The following IFT172 variants were observed in gnomAD, a reference collection of about 807,000 sequenced individuals.
IFT172 encodes intraflagellar transport protein 172 homolog.
Under a neutral mutation model 248.9 loss-of-function variants are expected in IFT172, and 164 were observed. The observed-to-expected ratio is 0.66, with a 90% CI of 0.58 to 0.75. The LOEUF is 0.75. IFT172 is among the 30% of genes least tolerant of loss of function. The pLI is 0.00. For missense variants in IFT172, 1,950 were observed against 2,192.4 expected (o/e 0.89, Z 2.21); for synonymous variants, 729 against 791.6 (o/e 0.92, Z 1.33).
At chr2:27,474,067 CAA>C (rs1667792107) in intron 14 of IFT172, among the ~76,000 whole-genome samples, 1 of 152,188 alleles carries the variant, frequency 6.6e-6, no homozygotes, top group Admixed American at 6.5e-5. Flanking sequence ...CTCGGCCTCT[CAA>C]AGTATTGGGA....
chr2:27,459,314 T>TG, intron 25 of IFT172, 64 bp downstream of exon 25: 1 of 1,573,232 alleles, frequency 6.4e-7, no homozygotes, highest in Middle Eastern at 1.8e-4. Context: ...CTTCCTGCTT[T>TG]GGGTTCTCTC....
At chr2:27,459,306 T>A (rs936608815) in intron 25 of IFT172, 72 bp downstream of exon 25, 4 of 1,562,290 alleles carry the variant, frequency 2.6e-6, no homozygotes, top group Non-Finnish European at 3.5e-6. Context: ...TGCCTCCACT[T>A]CCTGCTTTGG....
chr2:27,477,293 G>A lies in IFT172; in HGVS notation c.1249C>T (p.Leu417=). 6.2e-7 allele frequency: 1 copy of A among 1,614,116 alleles called. No individual in the cohort carries two copies. Among genetic ancestry groups the A allele is most frequent in the South Asian group, 1.1e-5 (1 of 91,080 alleles). ...TTATTCCCATATTCCACCAGGGTTA[G>A]CTCTCCGGCATTGAAGATCATGCAT... ...NVCMIFNAGE[L]TLVEYGNNDT... is the part of the protein sequence containing the mutation. Residue 417 remains leucine (L), a synonymous_variant, in exon 13 of 48, where the codon CTA becomes TTA. Transcript: ENST00000260570.
intron 14 of IFT172, 47 bp from the exon 15 acceptor site, chr2:27,472,409 T>C (rs917171495): frequency 3.5e-6 from 5 of 1,435,900 alleles, no homozygotes; most frequent in South Asian, 2.4e-5. Context: ...TCCACACATA[T>C]ACATAGTATG....
chr2:27,450,155 A>G lies in IFT172; in HGVS notation c.3952-59T>C. ...GAGAGACAAATACCGCTGAGTCCTC[A>G]GCCTCATCCATTTCATACATTTTTC... On this transcript the variant is annotated intron_variant, in intron 35 of 47. Transcript: ENST00000260570. 3.1e-6 allele frequency: 4 copies of G among 1,271,828 alleles called. No homozygotes were observed. The South Asian group carries it at 5.0e-5, about 16-fold the overall frequency. The allele number at this position is 1,271,828 out of a possible 1,614,324, so 78.8% of individuals were successfully genotyped here.
chr2:27,447,475 C>A, intron 42 of IFT172, 40 bp downstream of exon 42: 3 of 1,604,276 alleles, frequency 1.9e-6, no homozygotes, highest in Non-Finnish European at 1.7e-6. Context: ...TGCAGATGAG[C>A]CCTTCTGACT....
In IFT172 at chr2:27,489,648, G is replaced by A. The variant is rs1430470069; in HGVS notation, c.6C>T (p.His2=). Residue 2 remains histidine (H), a synonymous_variant, in exon 1 of 48, where the codon CAC becomes CAT. Transcript: ENST00000260570. ...TCAGCAGGGTCCTCAGGTGCTTCAA[G>A]TGCATGACGCACACCTGTCTTTCAG... is the stretch of plus-strand genomic sequence containing the variant. M[H]LKHLRTLLSP... The A allele has an allele frequency of 3.1e-5, 50 of 1,612,086 alleles. No individual in the cohort carries two copies. Among genetic ancestry groups the A allele is most frequent in the Non-Finnish European group, 4.2e-5 (49 of 1,178,684 alleles).
At chr2:27,473,933 G>A (rs1453188908) in intron 14 of IFT172, among the ~76,000 whole-genome samples, 3 of 151,628 alleles carry the variant, frequency 2.0e-5, no homozygotes, top group East Asian at 1.9e-4. Context: ...TCAGCCTCCC[G>A]AGTAGCTGGG....
chr2:27,466,079 T>A, intron 16 of IFT172, 197 bp from the exon 17 acceptor site: 1 of 622,570 alleles, frequency 1.6e-6, no homozygotes, highest in South Asian at 1.9e-5. Flanking sequence ...TAAAGTATAC[T>A]CCTATGACAG....
chr2:27,471,318 A>C, intron 15 of IFT172: 1 of 407,230 alleles, frequency 2.5e-6, no homozygotes, highest in Non-Finnish European at 4.3e-6. Flanking sequence ...AGGAATTTTA[A>C]GTTAGGTGAA....
At chr2:27,456,473 T>C (rs1241118170) in intron 30 of IFT172, 38 bp downstream of exon 30, 1 of 1,588,270 alleles carries the variant, frequency 6.3e-7, no homozygotes, top group African/African-American at 1.4e-5. Flanking sequence ...TGGCTCTGGC[T>C]GGGATGGGGC....
rs552464728 is a variant in IFT172, at chr2:27,448,229, A to C, written c.4429-307T>G. Among the ~76,000 whole-genome samples, 7 of 152,066 alleles carry C rather than the reference A, an allele frequency of 4.6e-5. No individual in the cohort carries two copies. In the East Asian group the frequency reaches 1.2e-3, roughly 25 times the overall value. On this transcript the variant is annotated intron_variant, in intron 40 of 47. Coordinates refer to ENST00000260570, the MANE Select transcript of IFT172 (RefSeq NM_015662.3). ...ATTCTCCTGCCTCAGCCTCCCGAGT[A>C]GCTGGGACTATAGGTGCCTGCCACC... is the stretch of plus-strand genomic sequence containing the variant.
chr2:27,447,928 G>A lies in IFT172; in HGVS notation c.4429-6C>T, dbSNP rs1229791684. ...CTTTTGTAGATATTGAAGTTCTAGA[G>A]GTAGAGGGAAGAAGGGGATCTGAGA... On this transcript the variant is annotated splice_region_variant and splice_polypyrimidine_tract_variant and intron_variant, in intron 40 of 47. Coordinates refer to ENST00000260570, the MANE Select transcript of IFT172 (RefSeq NM_015662.3). 1 of 1,553,816 alleles carries A rather than the reference G, an allele frequency of 6.4e-7. No individual in the cohort carries two copies.
chr2:27,447,119 AG>A (rs1331923292), intron 42 of IFT172, among the ~76,000 whole-genome samples: 1 of 152,210 alleles, frequency 6.6e-6, no homozygotes, highest in African/African-American at 2.4e-5. Context: ...CTGGGATTAC[AG>A]GGGTGAGCCA....
At chr2:27,447,022 T>C (rs1469405161) in intron 42 of IFT172, among the ~76,000 whole-genome samples, 2 of 152,042 alleles carry the variant, frequency 1.3e-5, no homozygotes, top group South Asian at 2.1e-4. Flanking sequence ...TTTATGTTTT[T>C]AGTAGAGATG....
chr2:27,469,724 T>C (rs1667405235), intron 16 of IFT172, among the ~76,000 whole-genome samples: 1 of 152,008 alleles, frequency 6.6e-6, no homozygotes, highest in Non-Finnish European at 1.5e-5. Context: ...CCCAGCTACT[T>C]GGGATGCTGA....
chr2:27,484,844 G>A (rs746586171), intron 3 of IFT172, among the ~76,000 whole-genome samples, 174 bp downstream of exon 3: 20 of 152,188 alleles, frequency 1.3e-4, no homozygotes, highest in Non-Finnish European at 2.2e-4. Flanking sequence ...GGATGGGATT[G>A]AAGAACACGT....
chr2:27,456,483 C>G (rs761219087), intron 30 of IFT172, 28 bp downstream of exon 30: 29 of 1,602,538 alleles, frequency 1.8e-5, no homozygotes, highest in Non-Finnish European at 2.3e-5. Flanking sequence ...TGGGATGGGG[C>G]CCGTGGAGAG....
intron 7 of IFT172, among the ~76,000 whole-genome samples, chr2:27,482,671 T>C (rs992226866): frequency 5.9e-5 from 9 of 152,236 alleles, no homozygotes; most frequent in African/African-American, 9.6e-5. Context: ...CTTTCCCCTT[T>C]CCAGAGTAAA....
Sources: gnomAD v4.1 joint callset for allele counts (sites outside exome capture counted in the v4.1 genomes callset) on GRCh38, gnomAD v4.1.1 for gene constraint, MANE v1.5 for transcripts, NCBI Gene and HGNC (gene_info 2026-07-23, HGNC 2026-07-21) for gene names.